Variants in L1TD1 observed in about 807,000 individuals in gnomAD.
L1TD1 encodes the protein LINE-1 type transposase domain-containing protein 1.
Under a neutral mutation model 25.7 loss-of-function variants are expected in L1TD1, and 26 were observed. The ratio of observed to expected loss-of-function variants is 1.01; its 90% CI spans 0.74 to 1.40. The LOEUF is 1.40. Ranked by LOEUF, L1TD1 falls within the 40% of genes most tolerant of loss-of-function variation. The pLI is 0.00. For synonymous variants in L1TD1, 421 were observed against 335.6 expected, an observed-to-expected ratio of 1.25 and a Z score of -2.78; for missense variants, 1,130 against 975.0, an observed-to-expected ratio of 1.16 and a Z score of -2.12.
chr1:62,198,448 A>T (rs1670584462), intron 2 of L1TD1, among the ~76,000 whole-genome samples: 1 of 88,610 alleles, frequency 1.1e-5, no homozygotes, highest in Middle Eastern at 6.9e-3. Flanking sequence ...TTCTTATTTA[A>T]AAAAAAAAAA....
In L1TD1 at chr1:62,196,491, C is replaced by T. The variant is rs1181225845; in HGVS notation, c.-148C>T. The T allele has an allele frequency of 2.0e-5, 3 of 151,752 alleles. No individual in the cohort carries two copies. The highest frequency in any genetic ancestry group is 7.3e-5 in the African/African-American group (3 of 41,228). The allele number at this position is 151,752 out of a possible 1,614,324, so 9.4% of individuals were successfully genotyped here. A position where few individuals can be genotyped will look rare whatever the true frequency, so the allele number is the denominator to read the frequency against. Reference sequence around the variant, plus strand: ...TCCTGCTCTGCGGAGTTCGTCTTCCCAGCGAAGGTACAGAGGCGGATGAAC... The same window carrying T: ...TCCTGCTCTGCGGAGTTCGTCTTCCTAGCGAAGGTACAGAGGCGGATGAAC... On this transcript the variant is annotated 5_prime_UTR_variant, in exon 2 of 4. Transcript: ENST00000498273.
intron 1 of L1TD1, among the ~76,000 whole-genome samples, chr1:62,196,079 A>G (rs2149097279): frequency 6.6e-6 from 1 of 152,228 alleles, no homozygotes; most frequent in East Asian, 1.9e-4. Flanking sequence ...GGAAAAATTG[A>G]TTTGGAAGTA....
chr1:62,211,335 C>T lies in L1TD1; in HGVS notation c.2561C>T (p.Pro854Leu). 1 of 1,610,380 alleles carries T rather than the reference C, an allele frequency of 6.2e-7. No individual in the cohort carries two copies. Among genetic ancestry groups the T allele is most frequent in the Non-Finnish European group, 8.5e-7 (1 of 1,178,670 alleles). Residue 854 changes from proline to leucine, a missense_variant, in exon 4 of 4, where the codon CCC becomes CTC. Transcript: ENST00000498273. ...TTTAGAGATTATGTTTTGCATATGCCCACCTTGAGAGAATTACTGGGGAAT... is the reference window on the plus strand; with the variant it reads ...TTTAGAGATTATGTTTTGCATATGCTCACCTTGAGAGAATTACTGGGGAAT... Reference protein sequence around the residue: ...EEFRDYVLHMPTLRELLGNNI... With the variant: ...EEFRDYVLHMLTLRELLGNNI...
At chr1:62,203,621 C>T (rs1444585248) in intron 2 of L1TD1, among the ~76,000 whole-genome samples, 1 of 152,124 alleles carries the variant, frequency 6.6e-6, no homozygotes, top group African/African-American at 2.4e-5. Flanking sequence ...CTCTGACGCT[C>T]AGGCTGGAGT....
At chr1:62,199,490 T>C (rs1670602912) in intron 2 of L1TD1, among the ~76,000 whole-genome samples, 1 of 139,012 alleles carries the variant, frequency 7.2e-6, no homozygotes, top group Non-Finnish European at 1.5e-5. Context: ...AGAGTGAGAC[T>C]CTTGTATCAA....
rs562300186 is a variant in L1TD1, at chr1:62,201,211, A to G, written c.-111+4683A>G. ...CCCAAAGTGCTGGGATTACAGGCAT[A>G]AGCCACTGCAACCGGCCTCAAGTAC... is the stretch of plus-strand genomic sequence containing the variant. On this transcript the variant is annotated intron_variant, in intron 2 of 3. Transcript: ENST00000498273. 2.6e-3 allele frequency among the ~76,000 whole-genome samples: 403 copies of G among 152,220 alleles called. 1 individual carries two copies. The highest frequency in any genetic ancestry group is 4.7e-3 in the Non-Finnish European group (318 of 67,998).
Position 62,206,938 on chromosome 1 carries a change from C to T in L1TD1, c.310C>T (p.Gln104Ter). 1 of 1,613,530 alleles carries T rather than the reference C, an allele frequency of 6.2e-7. No individual in the cohort carries two copies. The highest frequency in any genetic ancestry group is 8.5e-7 in the Non-Finnish European group (1 of 1,179,878). Residue 104 changes from glutamine to a stop codon, truncating the protein, a stop_gained, in exon 3 of 4, where the codon CAA becomes TAA. Transcript: ENST00000498273. LOFTEE classifies it high-confidence loss of function. ...CTCCAGTAGTAGGACAGAGTTTCAG[C>T]AAATAATCAATTTAGCATTACAAAA... ...ENSSSRTEFQ[Q>*]IINLALQKTG...
At chr1:62,205,433 A>ATTTT (rs1161372604) in intron 2 of L1TD1, among the ~76,000 whole-genome samples, 9 of 40,080 alleles carry the variant, frequency 2.2e-4, no homozygotes, top group African/African-American at 6.3e-4. Context: ...ATATATATAT[A>ATTTT]TATATATATA....
intron 2 of L1TD1, 148 bp from the exon 3 acceptor site, chr1:62,206,371 T>TTTC (rs386367143): frequency 1.4e-5 from 3 of 214,586 alleles, no homozygotes; most frequent in Non-Finnish European, 2.7e-5. Flanking sequence ...GAATTCTAAT[T>TTTC]TTCTAATCTT....
chr1:62,205,435 A>ATTTTTTTTTTTTTTTT (rs1220640977), intron 2 of L1TD1, among the ~76,000 whole-genome samples: 1 of 36,044 alleles, frequency 2.8e-5, no homozygotes, highest in Admixed American at 3.2e-4. Context: ...ATATATATAT[A>ATTTTTTTTTTTTTTTT]TATATATATT....
rs1670810981 is a variant in L1TD1, at chr1:62,209,251, T to TA, written c.1009-529dup. On this transcript the variant is annotated intron_variant, in intron 3 of 3. Transcript: ENST00000498273. Reference sequence around the variant, plus strand: ...TTCCTAACCAAAGCCTGCTTGTCTTTAAAGTCCTAAGGCTAGAGTGTAAAC... The same window carrying TA: ...TTCCTAACCAAAGCCTGCTTGTCTTTAAAAGTCCTAAGGCTAGAGTGTAAAC... Among the ~76,000 whole-genome samples, 3 of 151,590 alleles carry TA rather than the reference T, an allele frequency of 2.0e-5. 1 individual carries two copies. In the East Asian group the frequency reaches 5.8e-4, roughly 29 times the overall value.
In L1TD1 at chr1:62,210,663, A is replaced by G. The variant is rs1255604008; in HGVS notation, c.1889A>G (p.Glu630Gly). 1 of 1,559,546 alleles carries G rather than the reference A, an allele frequency of 6.4e-7. No homozygotes were observed. The highest frequency in any genetic ancestry group is 8.7e-7 in the Non-Finnish European group (1 of 1,151,090). ...ATTAATAGCATCAGAGAGATAAAAG[A>G]GGAGATTGGAAATTTGAAAAGTTCC... ...SVINSIREIK[E>G]EIGNLKSSHS... Residue 630 changes from glutamate (E) to glycine (G), a missense_variant, in exon 4 of 4, where the codon GAG becomes GGG. Coordinates refer to ENST00000498273, the MANE Select transcript of L1TD1 (RefSeq NM_019079.5).
Position 62,206,620 on chromosome 1 carries a change from A to G in L1TD1, c.-9A>G. The G allele has an allele frequency of 6.7e-7, 1 of 1,488,950 alleles. No individual in the cohort carries two copies. Among genetic ancestry groups the G allele is most frequent in the East Asian group, 2.5e-5 (1 of 40,238 alleles). 92.2% of individuals were successfully genotyped at this position (1,488,950 alleles called of 1,614,324 possible). A position where few individuals can be genotyped will look rare whatever the true frequency, so the allele number is the denominator to read the frequency against. On this transcript the variant is annotated 5_prime_UTR_variant, in exon 3 of 4. Transcript: ENST00000498273. ...AAAAACAGAATCCAGTCTTGACAAC[A>G]TATCCACAATGTCTGATGTATCTAC...
Position 62,211,143 on chromosome 1 carries a change from T to C in L1TD1, c.2369T>C (p.Ile790Thr), listed in dbSNP as rs1368290746. 1 of 1,549,650 alleles carries C rather than the reference T, an allele frequency of 6.5e-7. No individual in the cohort carries two copies. ...RREITYQGTR[I>T]RLTADLSLDT... ...GAAATTACCTACCAAGGAACAAGAA[T>C]CAGGTTGACAGCAGACTTATCACTG... Residue 790 changes from isoleucine (I) to threonine (T), a missense_variant, in exon 4 of 4, where the codon ATC (isoleucine) becomes ACC (threonine). Physicochemically the swap from Ile to Thr is moderately conservative, Grantham distance 89 (BLOSUM62 -1). Coordinates refer to ENST00000498273, the MANE Select transcript of L1TD1 (RefSeq NM_019079.5).
intron 2 of L1TD1, among the ~76,000 whole-genome samples, chr1:62,201,024 G>A (rs2149098873): frequency 6.6e-6 from 1 of 151,958 alleles, no homozygotes; most frequent in East Asian, 1.9e-4. Flanking sequence ...TGTCTACCGA[G>A]GTCAAGTGAT....
chr1:62,202,110 G>A (rs952118127), intron 2 of L1TD1, among the ~76,000 whole-genome samples: 1 of 152,208 alleles, frequency 6.6e-6, no homozygotes, highest in Non-Finnish European at 1.5e-5. Context: ...AGACCAGCCT[G>A]ACCAACACGG....
At chr1:62,200,164 T>TATATATAA (rs1553122105) in intron 2 of L1TD1, among the ~76,000 whole-genome samples, 4 of 152,112 alleles carry the variant, frequency 2.6e-5, no homozygotes, top group African/African-American at 9.7e-5. Context: ...TATATATATA[T>TATATATAA]AACAATGTAT....
At chr1:62,195,309 C>A (rs1176472558) in intron 1 of L1TD1, among the ~76,000 whole-genome samples, 1 of 152,198 alleles carries the variant, frequency 6.6e-6, no homozygotes, top group Non-Finnish European at 1.5e-5. Context: ...TCACTTGACT[C>A]CCTGCTCTTT....
chr1:62,204,549 ATTT>A (rs1670698854), intron 2 of L1TD1, among the ~76,000 whole-genome samples: 1 of 152,086 alleles, frequency 6.6e-6, no homozygotes, highest in African/African-American at 2.4e-5. Context: ...TCCTGATTCA[ATTT>A]TTATTGCAAT....
Sources: gnomAD v4.1 joint callset for allele counts (sites outside exome capture counted in the v4.1 genomes callset) on GRCh38, gnomAD v4.1.1 for gene constraint, MANE v1.5 for transcripts, NCBI Gene and HGNC (gene_info 2026-07-23, HGNC 2026-07-21) for gene names.